LPAR3: variants seen among roughly 807,000 people sequenced by gnomAD.
LPAR3 encodes lysophosphatidic acid receptor 3.
A neutral mutation model predicts 17.8 loss-of-function variants in LPAR3; 7 were observed. The ratio of observed to expected loss-of-function variants is 0.39; its 90% confidence interval spans 0.22 to 0.74. The LOEUF (loss-of-function observed/expected upper bound fraction) is 0.74. Among genes scored for constraint, LPAR3 ranks in the 30% least tolerant of loss-of-function variants. The pLI, the probability that LPAR3 is intolerant of heterozygous loss-of-function variation, is 0.40. For synonymous variants in LPAR3, 179 were observed against 179.9 expected (o/e 0.99, Z 0.04); for missense variants, 391 against 453.4 (o/e 0.86, Z 1.25).
chr1:84,833,357 G>T (rs1290045118), intron 2 of LPAR3, among the ~76,000 whole-genome samples: 3 of 152,132 alleles, frequency 2.0e-5, no homozygotes, highest in Non-Finnish European at 4.4e-5. Context: ...CAAACTGAAA[G>T]ATTTACTAGT....
intron 2 of LPAR3, among the ~76,000 whole-genome samples, chr1:84,839,514 A>T (rs11161467): frequency 0.03 from 4,615 of 152,196 alleles, 248 homozygotes; most frequent in African/African-American, 0.1. Flanking sequence ...CTCTGCAAAA[A>T]GTAGAAACAA....
At chr1:84,878,674 A>G (rs1176469848) in intron 1 of LPAR3, among the ~76,000 whole-genome samples, 1 of 152,218 alleles carries the variant, frequency 6.6e-6, no homozygotes, top group Non-Finnish European at 1.5e-5. Flanking sequence ...TGGGGCCACC[A>G]TAAGGAAAAA....
intron 2 of LPAR3, among the ~76,000 whole-genome samples, chr1:84,833,413 T>C (rs1029964919): frequency 6.6e-6 from 1 of 152,190 alleles, no homozygotes; most frequent in South Asian, 2.1e-4. Context: ...TCCTCATCTG[T>C]AAAACAGAGA....
At chr1:84,863,170 G>A (rs1223245974) in intron 2 of LPAR3, among the ~76,000 whole-genome samples, 1 of 151,982 alleles carries the variant, frequency 6.6e-6, no homozygotes, top group Admixed American at 6.6e-5. Context: ...AACCTCCCGG[G>A]TTCAAGCGGT....
chr1:84,827,243 T>G (rs902712971), intron 2 of LPAR3, among the ~76,000 whole-genome samples: 2 of 152,222 alleles, frequency 1.3e-5, no homozygotes, highest in East Asian at 3.8e-4. Context: ...GGAAACATAT[T>G]GTACTATACA....
In LPAR3 at chr1:84,814,097, C is replaced by T. The variant is rs889787610; in HGVS notation, c.811G>A (p.Val271Met). The change falls in exon 3 of 3, where the codon GTG becomes ATG. Residue 271 changes from valine (V) to methionine (M), a missense_variant. By Grantham distance (21) the Val-to-Met change is conservative. Coordinates refer to ENST00000370611, the MANE Select transcript of LPAR3 (RefSeq NM_012152.3). ...LDGLNCRQCG[V>M]QHVKRWFLLL... ...AGGAACCACCTTTTCACATGCTGCA[C>T]GCCACACTGCCTGCAGTTCAGGCCG... The T allele has an allele frequency of 1.2e-5, 19 of 1,614,000 alleles. No individual in the cohort carries two copies. Among genetic ancestry groups the T allele is most frequent in the African/African-American group, 1.1e-4 (8 of 74,906 alleles).
rs747738718 is a variant in LPAR3 at position 84,865,401 on chromosome 1, C to T, written c.720G>A (p.Thr240=). Reference sequence around the variant, plus strand: ...CTTACCTACCTAAGACAGTCATCACCGTCTTCATTAGCTTCATGGGTGTCC... The same window carrying T: ...CTTACCTACCTAAGACAGTCATCACTGTCTTCATTAGCTTCATGGGTGTCC... ...RRRTPMKLMK[T]VMTVLGAFVV... The change falls in exon 2 of 3, where the codon ACG becomes ACA. Residue 240 remains threonine, a synonymous_variant. Transcript: ENST00000370611. 1.4e-5 allele frequency: 23 copies of T among 1,612,340 alleles called. No homozygotes were observed. The highest frequency in any genetic ancestry group is 5.0e-5 in the Admixed American group (3 of 59,898).
At chr1:84,828,529 A>G (rs975056105) in intron 2 of LPAR3, among the ~76,000 whole-genome samples, 1 of 152,170 alleles carries the variant, frequency 6.6e-6, no homozygotes, top group African/African-American at 2.4e-5. Context: ...AATGTTAGTA[A>G]GAGCACAGTG....
chr1:84,856,019 G>A (rs969556267), intron 2 of LPAR3, among the ~76,000 whole-genome samples: 3 of 152,112 alleles, frequency 2.0e-5, no homozygotes, highest in Admixed American at 1.3e-4. Flanking sequence ...CAGTCCCCAC[G>A]TTCCCCGTCA....
In LPAR3 at chr1:84,865,757, C is replaced by A; in HGVS notation, c.364G>T (p.Val122Phe). The A allele has an allele frequency of 6.2e-7, 1 of 1,614,182 alleles. No individual in the cohort carries two copies. The highest frequency in any genetic ancestry group is 8.5e-7 in the Non-Finnish European group (1 of 1,180,034). Residue 122 changes from valine to phenylalanine, a missense_variant, in exon 2 of 3, where the codon GTT becomes TTT. Transcript: ENST00000370611. The part of the protein sequence containing the change: ...SLTASLTNLL[V>F]IAVERHMSIM... ...GACATGTGCCTCTCCACGGCGATAA[C>A]CAGCAAGTTGGTGAGGGAAGCAGTC... is the stretch of plus-strand genomic sequence containing the variant.
At chr1:84,892,288 C>A (rs1028518571) in intron 1 of LPAR3, among the ~76,000 whole-genome samples, 1 of 151,910 alleles carries the variant, frequency 6.6e-6, no homozygotes, top group Admixed American at 6.6e-5. Context: ...CTTTTCAGGG[C>A]CATTTTAATG....
At chr1:84,869,247 C>T (rs1660111420) in intron 1 of LPAR3, among the ~76,000 whole-genome samples, 2 of 152,132 alleles carry the variant, frequency 1.3e-5, no homozygotes, top group Admixed American at 1.3e-4. Context: ...TGTCCCTTGT[C>T]AAAACCAAAA....
At chr1:84,849,363 G>A (rs1349187032) in intron 2 of LPAR3, among the ~76,000 whole-genome samples, 3 of 96,338 alleles carry the variant, frequency 3.1e-5, no homozygotes, top group African/African-American at 4.4e-5. Context: ...GACAGAGTGA[G>A]ACTCATCTCA....
chr1:84,890,242 C>G (rs1211865583), intron 1 of LPAR3, among the ~76,000 whole-genome samples: 1 of 92,662 alleles, frequency 1.1e-5, no homozygotes, highest in Non-Finnish European at 2.2e-5. Context: ...ACAAAAGGCC[C>G]ATGGCCAGGA....
intron 2 of LPAR3, among the ~76,000 whole-genome samples, chr1:84,817,291 A>ACACACACACACACACC (rs1000146030): frequency 5.5e-5 from 8 of 144,574 alleles, no homozygotes; most frequent in African/African-American, 1.8e-4. Context: ...ACACACACAC[A>ACACACACACACACACC]CCCCTCACTT....
At chr1:84,819,943 T>G (rs1457367175) in intron 2 of LPAR3, among the ~76,000 whole-genome samples, 1 of 152,218 alleles carries the variant, frequency 6.6e-6, no homozygotes, top group African/African-American at 2.4e-5. Context: ...CACGTGGCAC[T>G]GGGCACATTA....
chr1:84,885,738 G>C (rs1283729930), intron 1 of LPAR3, among the ~76,000 whole-genome samples: 1 of 152,206 alleles, frequency 6.6e-6, no homozygotes, highest in African/African-American at 2.4e-5. Context: ...CCGAGGACAA[G>C]AGGCAGTGGC....
rs562194129 is a variant in LPAR3 at position 84,863,754 on chromosome 1, T to G, written c.736+1631A>C. On this transcript the variant is annotated intron_variant, in intron 2 of 2. Coordinates refer to ENST00000370611, the MANE Select transcript of LPAR3 (RefSeq NM_012152.3). ...CCACTCAATAAAATTGCCACACCCC[T>G]TGGATGTCTAATAGGTTCCTAAATT... Among the ~76,000 whole-genome samples, 6 of 152,326 alleles carry G rather than the reference T, an allele frequency of 3.9e-5. No homozygotes were observed. In the South Asian group the frequency reaches 8.3e-4, roughly 21 times the overall value.
chr1:84,877,644 A>G (rs528239790), intron 1 of LPAR3, among the ~76,000 whole-genome samples: 1 of 152,266 alleles, frequency 6.6e-6, no homozygotes, highest in East Asian at 1.9e-4. Context: ...AATCCGTACA[A>G]CTGGAATTTT....
Sources: allele counts gnomAD v4.1 joint callset (sites outside exome capture counted in the v4.1 genomes callset), GRCh38; gene constraint gnomAD v4.1.1; transcripts MANE v1.5; gene names NCBI Gene and HGNC (gene_info 2026-07-23, HGNC 2026-07-21).